LSAMP: variants seen among roughly 807,000 people sequenced by gnomAD.
The protein encoded by LSAMP is limbic system associated membrane protein.
In LSAMP, 7 loss-of-function variants were observed where a neutral mutation model predicts 38.6. The ratio of observed to expected loss-of-function variants is 0.18; its 90% CI spans 0.10 to 0.34. The LOEUF (loss-of-function observed/expected upper bound fraction) is 0.34. Ranked by LOEUF, LSAMP falls within the 10% of genes least tolerant of loss-of-function variation. The pLI is 1.00. For missense variants in LSAMP, 313 were observed against 420.0 expected, an observed-to-expected ratio of 0.75 and a Z score of 2.23; for synonymous variants, 154 against 166.8, an observed-to-expected ratio of 0.92 and a Z score of 0.59.
chr3:116,352,678 G>A (rs191253582), intron 1 of LSAMP, among the ~76,000 whole-genome samples: 3 of 152,018 alleles, frequency 2.0e-5, no homozygotes, highest in Non-Finnish European at 2.9e-5. Flanking sequence ...AAGTTATCTC[G>A]TTAATCTTAA....
At chr3:116,206,320 G>T (rs1167180421) in intron 1 of LSAMP, among the ~76,000 whole-genome samples, 4 of 150,142 alleles carry the variant, frequency 2.7e-5, no homozygotes, top group Admixed American at 6.7e-5. Flanking sequence ...CTTGCTAGCG[G>T]TCTATCAATT....
intron 1 of LSAMP, among the ~76,000 whole-genome samples, chr3:116,437,022 T>TGC (rs2049361016): frequency 6.9e-6 from 1 of 143,956 alleles, no homozygotes; most frequent in African/African-American, 2.7e-5. Flanking sequence ...TATATATGTG[T>TGC]GTGTATATAT....
At chr3:116,129,668 A>T (rs12695321) in intron 1 of LSAMP, among the ~76,000 whole-genome samples, 41,448 of 152,154 alleles carry the variant, frequency 0.27, 7,302 homozygotes, top group African/African-American at 0.51. Context: ...AAGCAATCCC[A>T]GCTTCCAGTG....
At chr3:116,226,066 G>A (rs1231485676) in intron 1 of LSAMP, among the ~76,000 whole-genome samples, 2 of 152,036 alleles carry the variant, frequency 1.3e-5, no homozygotes, top group Admixed American at 6.6e-5. Flanking sequence ...GTTAAAATTA[G>A]TGATGTAACT....
rs933519475 is a variant in LSAMP at position 116,445,116 on chromosome 3, T to G, written c.-85A>C. ...AGGAGAGGCTTCACCAACACGGGGC[T>G]TTCATCCACAGCGAGCGCAGAGCGG... is the stretch of plus-strand genomic sequence containing the variant. On this transcript the variant is annotated 5_prime_UTR_variant, in exon 1 of 7. Coordinates refer to ENST00000490035, the MANE Select transcript of LSAMP (RefSeq NM_002338.5). 1.7e-5 allele frequency: 23 copies of G among 1,389,800 alleles called. No individual in the cohort carries two copies. The highest frequency in any genetic ancestry group is 2.1e-5 in the Non-Finnish European group (21 of 1,018,718). 86.1% of individuals were successfully genotyped at this position (1,389,800 alleles called of 1,614,324 possible).
intron 1 of LSAMP, among the ~76,000 whole-genome samples, chr3:116,378,175 G>T (rs949643440): frequency 1.3e-5 from 2 of 152,004 alleles, no homozygotes; most frequent in Non-Finnish European, 2.9e-5. Flanking sequence ...GAGCACCAAG[G>T]CTCATGACAA....
At chr3:116,378,461 T>A (rs2107798852) in intron 1 of LSAMP, among the ~76,000 whole-genome samples, 1 of 152,120 alleles carries the variant, frequency 6.6e-6, no homozygotes, top group East Asian at 1.9e-4. Context: ...TCTCAAAGAG[T>A]TTAGGTTCCA....
intron 3 of LSAMP, among the ~76,000 whole-genome samples, chr3:115,882,326 T>C (rs989700064): frequency 6.6e-6 from 1 of 152,130 alleles, no homozygotes; most frequent in Admixed American, 6.6e-5. Flanking sequence ...ATAAGATTTT[T>C]GCTCAAGGAT....
At chr3:116,209,712 A>G (rs1341902095) in intron 1 of LSAMP, among the ~76,000 whole-genome samples, 2 of 152,038 alleles carry the variant, frequency 1.3e-5, no homozygotes, top group Non-Finnish European at 2.9e-5. Context: ...AGGGTCTCTG[A>G]TTGAACAAAT....
At chr3:116,102,785 A>ATCTATCTGTCTGTCTGTCTGTCTGTCTG (rs562864883) in intron 1 of LSAMP, among the ~76,000 whole-genome samples, 4 of 151,692 alleles carry the variant, frequency 2.6e-5, no homozygotes, top group African/African-American at 9.7e-5. Flanking sequence ...CTATCTATCT[A>ATCTATCTGTCTGTCTGTCTGTCTGTCTG]TCTGTCTGTC....
rs1933715964 is a variant in LSAMP at position 115,808,914 on chromosome 3, G to C, written c.*1403C>G. The C allele has an allele frequency of 6.6e-6, 1 of 152,154 alleles. No individual in the cohort carries two copies. Among genetic ancestry groups the C allele is most frequent in the African/African-American group, 2.4e-5 (1 of 41,430 alleles). The allele number at this position is 152,154 out of a possible 1,614,324, so 9.4% of individuals were successfully genotyped here. On this transcript the variant is annotated 3_prime_UTR_variant, in exon 7 of 7. Transcript: ENST00000490035. Reference sequence around the variant, plus strand: ...TGCTCACTTTCACTGTATTTTATCTGAAATAGGAAACAATCTCTGCTCAGG... The same window carrying C: ...TGCTCACTTTCACTGTATTTTATCTCAAATAGGAAACAATCTCTGCTCAGG...
chr3:116,313,386 G>T (rs1235545784), intron 1 of LSAMP, among the ~76,000 whole-genome samples: 1 of 152,176 alleles, frequency 6.6e-6, no homozygotes, highest in Admixed American at 6.5e-5. Flanking sequence ...ACCCAGCAAG[G>T]CCACATGGGA....
intron 2 of LSAMP, among the ~76,000 whole-genome samples, chr3:116,060,348 A>C (rs948199840): frequency 6.6e-6 from 1 of 152,200 alleles, no homozygotes; most frequent in African/African-American, 2.4e-5. Context: ...TATTCGGTGA[A>C]ATTTTATAGC....
chr3:115,816,987 C>T (rs758648711), intron 6 of LSAMP, among the ~76,000 whole-genome samples: 8 of 152,134 alleles, frequency 5.3e-5, no homozygotes, highest in Non-Finnish European at 7.3e-5. Context: ...AGAATGTGTC[C>T]GATCCATAAC....
At chr3:116,302,975 A>G (rs553034902) in intron 1 of LSAMP, among the ~76,000 whole-genome samples, 27 of 152,338 alleles carry the variant, frequency 1.8e-4, no homozygotes, top group Admixed American at 1.7e-3. Context: ...CTATAATTTT[A>G]AACTACTTTG....
intron 1 of LSAMP, among the ~76,000 whole-genome samples, chr3:116,113,627 GTT>G (rs1708675058): frequency 1.3e-5 from 2 of 151,192 alleles, no homozygotes; most frequent in African/African-American, 4.8e-5. Context: ...GGGTTTCACT[GTT>G]TTAGCCAGGA....
intron 1 of LSAMP, among the ~76,000 whole-genome samples, chr3:116,142,636 C>A (rs1709395630): frequency 6.6e-6 from 1 of 151,936 alleles, no homozygotes; most frequent in South Asian, 2.1e-4. Flanking sequence ...GCATGTTATC[C>A]CTTCAGATAG....
At chr3:115,987,719 A>G (rs1260562140) in intron 3 of LSAMP, among the ~76,000 whole-genome samples, 1 of 152,184 alleles carries the variant, frequency 6.6e-6, no homozygotes, top group African/African-American at 2.4e-5. Context: ...ATGATTACGA[A>G]TTAGGACTTA....
In LSAMP at chr3:115,807,151, A is replaced by G. The variant is rs1280133584; in HGVS notation, c.*3166T>C. 2 of 152,176 alleles carry G rather than the reference A, an allele frequency of 1.3e-5. No homozygotes were observed. The highest frequency in any genetic ancestry group is 2.9e-5 in the Non-Finnish European group (2 of 68,028). The allele number at this position is 152,176 out of a possible 1,614,324, so 9.4% of individuals were successfully genotyped here. On this transcript the variant is annotated 3_prime_UTR_variant, in exon 7 of 7. Transcript: ENST00000490035. ...GATTCTTGAAGGAATTTATTCCAAT[A>G]TGATTAACTAAATTCCAAGAAGTCT...
Sources: gnomAD v4.1 joint callset for allele counts (sites outside exome capture counted in the v4.1 genomes callset) on GRCh38, gnomAD v4.1.1 for gene constraint, MANE v1.5 for transcripts, NCBI Gene and HGNC (gene_info 2026-07-23, HGNC 2026-07-21) for gene names.